CACNA1S: variants seen among roughly 807,000 people sequenced by gnomAD.
CACNA1S encodes the protein voltage-dependent L-type calcium channel subunit alpha-1S.
Under a neutral mutation model 207.4 loss-of-function variants are expected in CACNA1S, and 126 were observed. The ratio of observed to expected loss-of-function variants is 0.61; its 90% confidence interval spans 0.53 to 0.70. CACNA1S has a LOEUF of 0.70. Among genes scored for constraint, CACNA1S ranks in the 30% least tolerant of loss-of-function variants. The pLI is 0.00. For synonymous variants in CACNA1S, 960 were observed against 932.7 expected (o/e 1.03, Z -0.53); for missense variants, 2,349 against 2,422.8 (o/e 0.97, Z 0.64).
At chr1:201,074,670 G>A (rs769515207) in intron 13 of CACNA1S, 50 bp from the exon 14 acceptor site, 2 of 1,202,500 alleles carry the variant, frequency 1.7e-6, no homozygotes, top group Admixed American at 3.6e-5. Flanking sequence ...AAGGGAGCCT[G>A]CAGGGCAGGA....
chr1:201,075,187 T>A (rs1346398006), intron 13 of CACNA1S, among the ~76,000 whole-genome samples: 1 of 152,158 alleles, frequency 6.6e-6, no homozygotes. Context: ...CCCACCATCT[T>A]CATGTTCCTC....
chr1:201,077,394 G>A lies in CACNA1S; in HGVS notation c.1620-267C>T, dbSNP rs117051989. ...TGGACGAGAAACCCCGTGAGAATAA[G>A]GACAGCTTTTCTCCTGTGCACCCTC... is the stretch of plus-strand genomic sequence containing the variant. On this transcript the variant is annotated intron_variant, in intron 11 of 43. Transcript: ENST00000362061. Among the ~76,000 whole-genome samples the A allele has an allele frequency of 2.0e-5, 3 of 152,324 alleles. No individual in the cohort carries two copies. The East Asian group carries it at 5.8e-4, about 29-fold the overall frequency.
chr1:201,110,068 A>T, intron 2 of CACNA1S, 96 bp downstream of exon 2: 1 of 1,141,832 alleles, frequency 8.8e-7, no homozygotes, highest in Non-Finnish European at 1.3e-6. Context: ...GAGTTGAACC[A>T]CCGGCACCAT....
chr1:201,045,825 C>T lies in CACNA1S; in HGVS notation c.4668+1290G>A, dbSNP rs12066213. Among the ~76,000 whole-genome samples, 223 of 150,700 alleles carry T rather than the reference C, an allele frequency of 1.5e-3. 3 individuals carry two copies. Among genetic ancestry groups the T allele is most frequent in the African/African-American group, 5.0e-3 (203 of 40,964 alleles). ...TACATAGAAGAATTATGCAGGATAA[C>T]GCCCTTGTAATACACATTTTGCCTT... is the stretch of plus-strand genomic sequence containing the variant. On this transcript the variant is annotated intron_variant, in intron 38 of 43. Coordinates refer to ENST00000362061, the MANE Select transcript of CACNA1S (RefSeq NM_000069.3).
At chr1:201,072,883 T>A in intron 15 of CACNA1S, 59 bp from the exon 16 acceptor site, 1 of 1,298,904 alleles carries the variant, frequency 7.7e-7, no homozygotes, top group Non-Finnish European at 1.1e-6. Context: ...TTCCCCTCAA[T>A]GAGCATATAC....
At chr1:201,058,683 C>G (rs1218251039) in intron 27 of CACNA1S, among the ~76,000 whole-genome samples, 192 bp from the exon 28 acceptor site, 4 of 152,164 alleles carry the variant, frequency 2.6e-5, no homozygotes, top group African/African-American at 9.6e-5. Context: ...CTCCCCTTTG[C>G]TCTTTAGTTC....
At chr1:201,057,337 C>T (rs1355812105) in intron 28 of CACNA1S, among the ~76,000 whole-genome samples, 1 of 152,246 alleles carries the variant, frequency 6.6e-6, no homozygotes, top group East Asian at 1.9e-4. Context: ...TCTGGCATGG[C>T]TCATGCCCTT....
chr1:201,053,477 C>A lies in CACNA1S; in HGVS notation c.3777G>T (p.Thr1259=). ...GTTGCACCTGGAAGGACTTGATGAA[C>A]GTCCACAGGAGGGTTCGCACTCCTT... ...RAEGVRTLLW[T]FIKSFQALPY... is the part of the protein sequence containing the mutation. Residue 1259 remains threonine, a synonymous_variant, in exon 30 of 44, where the codon ACG becomes ACT. Coordinates refer to ENST00000362061, the MANE Select transcript of CACNA1S (RefSeq NM_000069.3). The surrounding 1 kb of genome is among the most constrained non-coding windows in gnomAD (Gnocchi z 5.1). The A allele has an allele frequency of 1.2e-6, 2 of 1,614,154 alleles. No homozygotes were observed. The highest frequency in any genetic ancestry group is 1.7e-6 in the Non-Finnish European group (2 of 1,180,014).
chr1:201,062,008 A>C lies in CACNA1S; in HGVS notation c.2989T>G (p.Phe997Val). ...HREWVHSDFH[F>V]DNVLSAMMSL... ...ATCATGGCTGAGAGCACATTGTCGA[A>C]GTGGAAGTCGCTGTGTACCCACTCG... The change falls in exon 24 of 44, where the codon TTC (phenylalanine) becomes GTC (valine). Residue 997 changes from phenylalanine (F) to valine (V), a missense_variant. Coordinates refer to ENST00000362061, the MANE Select transcript of CACNA1S (RefSeq NM_000069.3). 2 of 1,614,196 alleles carry C rather than the reference A, an allele frequency of 1.2e-6. No individual in the cohort carries two copies. Among genetic ancestry groups the C allele is most frequent in the Non-Finnish European group, 1.7e-6 (2 of 1,180,022 alleles).
rs2102573493 is a variant in CACNA1S, at chr1:201,060,706, G to T, written c.3366C>A (p.Tyr1122Ter). 6.2e-7 allele frequency: 1 copy of T among 1,614,180 alleles called. No individual in the cohort carries two copies. Among genetic ancestry groups the T allele is most frequent in the Non-Finnish European group, 8.5e-7 (1 of 1,180,036 alleles). Residue 1122 changes from tyrosine to a stop codon, truncating the protein, a stop_gained, in exon 26 of 44, where the codon TAC becomes TAA. Coordinates refer to ENST00000362061, the MANE Select transcript of CACNA1S (RefSeq NM_000069.3). LOFTEE classifies it high-confidence loss of function. The stretch of plus-strand genomic sequence containing the variant: ...TGAGCATGATGAGGGCAAACATCAG[G>T]TATTCAAAGTAGGAGGAGGTGACAA... ...WYIVTSSYFE[Y>*]LMFALIMLNT...
At chr1:201,073,515 G>A (rs767193924) in intron 15 of CACNA1S, 34 bp downstream of exon 15, 2 of 1,515,194 alleles carry the variant, frequency 1.3e-6, no homozygotes, top group South Asian at 2.2e-5. Context: ...AGAGCCCCTA[G>A]ACTGCCTCTA....
chr1:201,106,503 G>A (rs73076891), intron 2 of CACNA1S, among the ~76,000 whole-genome samples: 3,494 of 152,218 alleles, frequency 0.023, 148 homozygotes, highest in African/African-American at 0.08. Flanking sequence ...CTACATAATG[G>A]GGGGCCCAGT....
chr1:201,059,428 T>C, intron 26 of CACNA1S, 129 bp from the exon 27 acceptor site: 1 of 611,668 alleles, frequency 1.6e-6, no homozygotes, highest in Non-Finnish European at 2.9e-6. Context: ...GCTCACTTTG[T>C]TTTAGCTCAG....
In CACNA1S at chr1:201,072,752, C is replaced by T. The variant is rs1191091065; in HGVS notation, c.2227+3G>A. ...GCTCCAGTCCAGTCTCCAGCATCCT[C>T]ACCTGGGAAGTCGGCTGAGGGGTAG... On this transcript the variant is annotated splice_donor_region_variant and intron_variant, in intron 16 of 43. Coordinates refer to ENST00000362061, the MANE Select transcript of CACNA1S (RefSeq NM_000069.3). 3.1e-6 allele frequency: 5 copies of T among 1,612,448 alleles called. No homozygotes were observed. The highest frequency in any genetic ancestry group is 4.5e-5 in the East Asian group (2 of 44,868).
intron 42 of CACNA1S, 118 bp downstream of exon 42, chr1:201,040,504 C>T: frequency 1.4e-6 from 2 of 1,413,862 alleles, no homozygotes; most frequent in South Asian, 1.2e-5. Flanking sequence ...GATCCCGTCC[C>T]TTCTGTACTG....
chr1:201,099,347 T>C (rs1419757313), intron 2 of CACNA1S, among the ~76,000 whole-genome samples: 5 of 152,154 alleles, frequency 3.3e-5, no homozygotes, highest in Non-Finnish European at 5.9e-5. Context: ...CAGAGCTCAC[T>C]GAAAGGACCT....
Position 201,069,505 on chromosome 1 carries a change from T to C in CACNA1S, c.2457A>G (p.Glu819=), listed in dbSNP as rs770817376. ...ILLSSAALAA[E]DPIRADSMRN... is the part of the protein sequence containing the mutation. ...TCATGGAATCAGCCCGGATGGGGTC[T>C]TCCGCAGCCAGTGCAGCGCTGCTGA... The change falls in exon 18 of 44, where the codon GAA becomes GAG. Residue 819 remains glutamate, a synonymous_variant. Transcript: ENST00000362061. The C allele has an allele frequency of 1.5e-5, 24 of 1,599,748 alleles. No individual in the cohort carries two copies. In the East Asian group the frequency reaches 5.4e-4, roughly 36 times the overall value.
At chr1:201,052,726 G>A in intron 31 of CACNA1S, 78 bp from the exon 32 acceptor site, 1 of 1,198,304 alleles carries the variant, frequency 8.3e-7, no homozygotes, top group South Asian at 1.2e-5. Flanking sequence ...GCCTTCTCCT[G>A]CCTGACCCCT....
rs941517430 is a variant in CACNA1S, at chr1:201,066,147, C to T, written c.2745+82G>A. ...GATGGGACAGGGGTCCCAGCCATGG[C>T]TGGGCTGAGGTTTCTGGAGCGAGGA... On this transcript the variant is annotated intron_variant, in intron 21 of 43. Coordinates refer to ENST00000362061, the MANE Select transcript of CACNA1S (RefSeq NM_000069.3). This position sits in a 1 kb window ranked among gnomAD's most constrained non-coding sequence, Gnocchi z 4.3. The T allele has an allele frequency of 2.6e-5, 36 of 1,370,796 alleles. No homozygotes were observed. The highest frequency in any genetic ancestry group is 3.6e-5 in the Non-Finnish European group (35 of 960,888). The allele number at this position is 1,370,796 out of a possible 1,614,324, so 84.9% of individuals were successfully genotyped here. A position where few individuals can be genotyped will look rare whatever the true frequency, so the allele number is the denominator to read the frequency against.
Sources: gnomAD v4.1 joint callset for allele counts (sites outside exome capture counted in the v4.1 genomes callset) on GRCh38, gnomAD v4.1.1 for gene constraint, Gnocchi (gnomAD v3.1) non-coding constraint, MANE v1.5 for transcripts, NCBI Gene and HGNC (gene_info 2026-07-23, HGNC 2026-07-21) for gene names.